Variants in TENM4 observed in about 807,000 individuals in gnomAD.
TENM4 encodes the protein teneurin-4.
A neutral mutation model predicts 243.3 loss-of-function variants in TENM4; 82 were observed. The ratio of observed to expected loss-of-function variants is 0.34; its 90% CI spans 0.28 to 0.40. TENM4 has a LOEUF of 0.40. Among genes scored for constraint, TENM4 ranks in the 10% least tolerant of loss-of-function variants. The probability of loss-of-function intolerance (pLI) is 1.00; values close to 1 mark genes in which losing one functional copy is unlikely to be tolerated. For synonymous variants in TENM4, 1,412 were observed against 1,456.3 expected (o/e 0.97, Z 0.69); for missense variants, 3,138 against 3,673.3 (o/e 0.85, Z 3.77).
At chr11:78,853,978 G>C (rs996824314) in intron 12 of TENM4, 126 bp downstream of exon 12, 2 of 934,486 alleles carry the variant, frequency 2.1e-6, no homozygotes, top group African/African-American at 3.3e-5. Context: ...GGAGGGTCTC[G>C]TGCCAAGCTC....
intron 4 of TENM4, among the ~76,000 whole-genome samples, chr11:79,108,002 C>T (rs1420136642): frequency 6.6e-6 from 1 of 152,228 alleles, no homozygotes; most frequent in African/African-American, 2.4e-5. Context: ...CTGGCAAGAA[C>T]TAGCAATAGA....
chr11:78,879,806 A>C (rs1397067304), intron 9 of TENM4, among the ~76,000 whole-genome samples: 3 of 123,930 alleles, frequency 2.4e-5, no homozygotes, highest in African/African-American at 6.2e-5. Flanking sequence ...CTCTGCCCGG[A>C]CACCACCCCA....
At chr11:79,247,416 CAAAAAAAA>C (rs34265803) in intron 2 of TENM4, among the ~76,000 whole-genome samples, 66 of 81,364 alleles carry the variant, frequency 8.1e-4, no homozygotes, top group African/African-American at 2.7e-3. Flanking sequence ...GACTCTGTCT[CAAAAAAAA>C]AAAAAAAAAA....
At chr11:79,394,443 T>C (rs1341981727) in intron 1 of TENM4, among the ~76,000 whole-genome samples, 1 of 152,228 alleles carries the variant, frequency 6.6e-6, no homozygotes, top group African/African-American at 2.4e-5. Flanking sequence ...AAATCACTTT[T>C]TGAACCTCAG....
At chr11:78,691,938 T>C (rs1237762707) in intron 28 of TENM4, among the ~76,000 whole-genome samples, 1 of 152,236 alleles carries the variant, frequency 6.6e-6, no homozygotes, top group African/African-American at 2.4e-5. Context: ...CTGCTCCTTC[T>C]GACTGTGGAT....
intron 14 of TENM4, among the ~76,000 whole-genome samples, chr11:78,810,737 T>C (rs1342219759): frequency 1.3e-5 from 2 of 152,170 alleles, no homozygotes; most frequent in Non-Finnish European, 2.9e-5. Flanking sequence ...CCCCACTCTT[T>C]GAAAATGGGC....
chr11:78,862,194 T>C (rs1245163330), intron 10 of TENM4, among the ~76,000 whole-genome samples: 1 of 152,016 alleles, frequency 6.6e-6, no homozygotes, highest in Non-Finnish European at 1.5e-5. Context: ...TGGGGAAGCT[T>C]ATGGAGATAG....
intron 15 of TENM4, 42 bp downstream of exon 15, chr11:78,805,250 A>G: frequency 7.2e-4 from 25 of 34,568 alleles, no homozygotes; most frequent in Non-Finnish European, 1.1e-3. Context: ...CACAGTGGAA[A>G]TCCCCTCCCT....
chr11:78,974,158 G>T (rs1857602038), intron 6 of TENM4, among the ~76,000 whole-genome samples: 1 of 152,146 alleles, frequency 6.6e-6, no homozygotes, highest in Non-Finnish European at 1.5e-5. Context: ...CTGAGGGTGG[G>T]GACTGGTTTA....
chr11:78,888,332 A>G (rs1385362170), intron 9 of TENM4, among the ~76,000 whole-genome samples: 2 of 152,248 alleles, frequency 1.3e-5, no homozygotes, highest in African/African-American at 4.8e-5. Context: ...ACAATCAGAC[A>G]GAAGAAGAGA....
At chr11:78,705,921 T>C (rs1859237142) in intron 27 of TENM4, among the ~76,000 whole-genome samples, 2 of 152,236 alleles carry the variant, frequency 1.3e-5, no homozygotes, top group South Asian at 2.1e-4. Flanking sequence ...GGAAGTTTTT[T>C]GTGGATTTTA....
At chr11:79,421,620 A>C (rs369106157) in intron 1 of TENM4, among the ~76,000 whole-genome samples, 75 of 152,216 alleles carry the variant, frequency 4.9e-4, no homozygotes, top group African/African-American at 1.8e-3. Context: ...TGCTTGAAAG[A>C]GAGTCATCTC....
At chr11:78,805,580 AGGG>A in intron 14 of TENM4, 88 bp from the exon 15 acceptor site, 11 of 1,465,098 alleles carry the variant, frequency 7.5e-6, no homozygotes, top group Non-Finnish European at 1.0e-5. Flanking sequence ...TTTGTGGCCA[AGGG>A]GCTTCATACA....
chr11:79,250,500 C>T (rs1855591507), intron 2 of TENM4, among the ~76,000 whole-genome samples: 1 of 152,216 alleles, frequency 6.6e-6, no homozygotes. Flanking sequence ...AAGAAAGCCA[C>T]ACATTCTCAA....
intron 3 of TENM4, among the ~76,000 whole-genome samples, chr11:79,182,683 C>A (rs1863307107): frequency 6.6e-6 from 1 of 152,066 alleles, no homozygotes; most frequent in South Asian, 2.1e-4. Context: ...TAGTGAAGGA[C>A]TGTTAGCCAA....
At chr11:78,911,794 T>C (rs1856191824) in intron 6 of TENM4, among the ~76,000 whole-genome samples, 1 of 152,214 alleles carries the variant, frequency 6.6e-6, no homozygotes, top group Non-Finnish European at 1.5e-5. Context: ...TTGGATTTCC[T>C]AGCTTCCAAA....
intron 4 of TENM4, among the ~76,000 whole-genome samples, chr11:79,094,272 A>C (rs529892504): frequency 1.3e-5 from 2 of 152,206 alleles, no homozygotes; most frequent in Non-Finnish European, 2.9e-5. Flanking sequence ...TGATGGGCCA[A>C]TCACTGTGCA....
At chr11:78,778,547 C>A in intron 17 of TENM4, 55 bp downstream of exon 17, 1 of 1,560,886 alleles carries the variant, frequency 6.4e-7, no homozygotes, top group South Asian at 1.1e-5. Flanking sequence ...CTTTTATACT[C>A]ATACACAAAC....
chr11:79,124,664 TG>T (rs1861826669), intron 4 of TENM4, among the ~76,000 whole-genome samples: 1 of 149,976 alleles, frequency 6.7e-6, no homozygotes, highest in Non-Finnish European at 1.5e-5. Flanking sequence ...TGTGTGTGTG[TG>T]TGTGTGTGTG....
Sources: allele counts gnomAD v4.1 joint callset (sites outside exome capture counted in the v4.1 genomes callset), GRCh38; gene constraint gnomAD v4.1.1; transcripts MANE v1.5; gene names NCBI Gene and HGNC (gene_info 2026-07-23, HGNC 2026-07-21).